SEMA6A: variants seen among roughly 807,000 people sequenced by gnomAD.
The protein encoded by SEMA6A is semaphorin-6A.
SEMA6A carries 25 observed loss-of-function variants against 96.8 expected under a neutral mutation model. The observed-to-expected ratio is 0.26, with a 90% CI of 0.19 to 0.36. The LOEUF is 0.36. SEMA6A is among the 10% of genes least tolerant of loss of function. SEMA6A has a pLI of 1.00. For missense variants in SEMA6A, 1,363 were observed against 1,323.1 expected, an observed-to-expected ratio of 1.03 and a Z score of -0.47; for synonymous variants, 612 against 518.0, an observed-to-expected ratio of 1.18 and a Z score of -2.46.
chr5:116,483,920 C>T (rs1224395769), intron 10 of SEMA6A, among the ~76,000 whole-genome samples: 1 of 151,878 alleles, frequency 6.6e-6, no homozygotes, highest in Admixed American at 6.6e-5. Context: ...AAAAATTAGC[C>T]AGGCATGATG....
At chr5:116,564,180 C>G (rs545768516) in intron 1 of SEMA6A, among the ~76,000 whole-genome samples, 1 of 152,264 alleles carries the variant, frequency 6.6e-6, no homozygotes, top group Admixed American at 6.5e-5. Flanking sequence ...TGATCTTACA[C>G]AAAAATGTTG....
At chr5:116,515,772 G>A (rs1412412233) in intron 1 of SEMA6A, among the ~76,000 whole-genome samples, 1 of 152,152 alleles carries the variant, frequency 6.6e-6, no homozygotes, top group Non-Finnish European at 1.5e-5. Flanking sequence ...GATTGCTCAG[G>A]CCTAAACGGC....
intron 18 of SEMA6A, among the ~76,000 whole-genome samples, chr5:116,448,105 G>A (rs907398403): frequency 2.7e-5 from 4 of 150,708 alleles, no homozygotes; most frequent in African/African-American, 7.4e-5. Flanking sequence ...AGGCCGAGGC[G>A]GGTGGATCAC....
intron 10 of SEMA6A, among the ~76,000 whole-genome samples, chr5:116,482,807 A>C (rs775535634): frequency 5.3e-5 from 8 of 152,170 alleles, no homozygotes; most frequent in Non-Finnish European, 1.2e-4. Flanking sequence ...AGAGGAAAAA[A>C]ACTCTTCATG....
In SEMA6A at chr5:116,507,335, G is replaced by A. The variant is rs980286143; in HGVS notation, c.-38-2353C>T. On this transcript the variant is annotated intron_variant, in intron 1 of 18. Transcript: ENST00000343348. ...TTATTCCCTTTCTACTCAATTTTGG[G>A]CCCTAACCCTTGTAAATATGTAGAC... 7.2e-4 allele frequency among the ~76,000 whole-genome samples: 109 copies of A among 152,056 alleles called. 1 individual carries two copies. The highest frequency in any genetic ancestry group is 7.0e-3 in the Admixed American group (107 of 15,254).
intron 1 of SEMA6A, among the ~76,000 whole-genome samples, chr5:116,529,263 C>A (rs1421350117): frequency 2.6e-5 from 4 of 152,066 alleles, no homozygotes; most frequent in Non-Finnish European, 5.9e-5. Context: ...GGAGAGCTTG[C>A]TAGAGGTTGG....
chr5:116,489,409 T>TA (rs1757225127), intron 7 of SEMA6A, among the ~76,000 whole-genome samples: 1 of 152,102 alleles, frequency 6.6e-6, no homozygotes, highest in Admixed American at 6.6e-5. Flanking sequence ...AGATAGATGC[T>TA]GATTGTGTCC....
intron 1 of SEMA6A, among the ~76,000 whole-genome samples, chr5:116,538,196 AAAC>A (rs1759807848): frequency 5.3e-5 from 8 of 152,066 alleles, no homozygotes; most frequent in Admixed American, 5.2e-4. Flanking sequence ...AAACAAAACA[AAAC>A]AAAACAAAAC....
intron 1 of SEMA6A, among the ~76,000 whole-genome samples, chr5:116,523,028 C>G (rs1341552462): frequency 6.6e-6 from 1 of 152,078 alleles, no homozygotes; most frequent in Non-Finnish European, 1.5e-5. Context: ...GGAGAGGTGC[C>G]CACTGTGCAA....
chr5:116,533,696 A>G (rs908894707), intron 1 of SEMA6A, among the ~76,000 whole-genome samples: 1 of 152,206 alleles, frequency 6.6e-6, no homozygotes, highest in Non-Finnish European at 1.5e-5. Flanking sequence ...CAGTATCCTG[A>G]GGTAGCTAAA....
intron 1 of SEMA6A, among the ~76,000 whole-genome samples, chr5:116,509,605 T>TGAGAGAGAGAGAGAGAGA (rs143399883): frequency 7.5e-6 from 1 of 133,928 alleles, no homozygotes; most frequent in African/African-American, 2.7e-5. Context: ...TCTCTGTGTG[T>TGAGAGAGAGAGAGAGAGA]GTGAGAGAGA....
At chr5:116,513,938 T>C (rs977651608) in intron 1 of SEMA6A, among the ~76,000 whole-genome samples, 1 of 152,242 alleles carries the variant, frequency 6.6e-6, no homozygotes, top group Non-Finnish European at 1.5e-5. Flanking sequence ...GCTCCATCCA[T>C]GTCCCTGCAA....
intron 10 of SEMA6A, among the ~76,000 whole-genome samples, 170 bp from the exon 11 acceptor site, chr5:116,482,745 C>T (rs1239969435): frequency 6.6e-6 from 1 of 152,190 alleles, no homozygotes; most frequent in Non-Finnish European, 1.5e-5. Flanking sequence ...TTCTCTCAAT[C>T]AAATTTGCAT....
At chr5:116,458,467 A>T (rs1755155781) in intron 18 of SEMA6A, among the ~76,000 whole-genome samples, 1 of 152,152 alleles carries the variant, frequency 6.6e-6, no homozygotes, top group African/African-American at 2.4e-5. Flanking sequence ...TGCAGCTTGA[A>T]AAAGTGGCTA....
chr5:116,469,182 T>C (rs916408800), intron 17 of SEMA6A: 2 of 152,238 alleles, frequency 1.3e-5, no homozygotes, highest in African/African-American at 4.8e-5. Context: ...GGTCCCTTTC[T>C]GTATGGCACT....
chr5:116,510,783 G>A (rs1259527028), intron 1 of SEMA6A, among the ~76,000 whole-genome samples: 1 of 152,042 alleles, frequency 6.6e-6, no homozygotes, highest in Non-Finnish European at 1.5e-5. Flanking sequence ...AGGCTGGAAA[G>A]TTTGTCTTGG....
chr5:116,489,033 AC>A (rs1163047880), intron 7 of SEMA6A, 26 bp from the exon 8 acceptor site: 8 of 1,549,224 alleles, frequency 5.2e-6, no homozygotes, highest in Non-Finnish European at 7.0e-6. Flanking sequence ...AAAGAGGTGA[AC>A]AGGGTGGGAG....
At chr5:116,496,336 C>G (rs757691704) in intron 4 of SEMA6A, 23 bp from the exon 5 acceptor site, 1 of 1,607,074 alleles carries the variant, frequency 6.2e-7, no homozygotes, top group Non-Finnish European at 8.5e-7. Flanking sequence ...AGAAAGAAAT[C>G]AATTAGAGCC....
intron 1 of SEMA6A, among the ~76,000 whole-genome samples, chr5:116,532,869 C>T (rs1362427126): frequency 1.3e-5 from 2 of 152,186 alleles, no homozygotes; most frequent in Non-Finnish European, 2.9e-5. Context: ...CAGCTCTTAG[C>T]ATTTTGTCAC....
Sources: allele counts gnomAD v4.1 joint callset (sites outside exome capture counted in the v4.1 genomes callset), GRCh38; gene constraint gnomAD v4.1.1; transcripts MANE v1.5; gene names NCBI Gene and HGNC (gene_info 2026-07-23, HGNC 2026-07-21).